The following CDH12 variants were observed in gnomAD, a reference collection of about 807,000 sequenced individuals.
The protein encoded by CDH12 is cadherin 12.
Under a neutral mutation model 74.1 loss-of-function variants are expected in CDH12, and 41 were observed. The observed-to-expected ratio is 0.55, with a 90% confidence interval of 0.43 to 0.72. CDH12 has a LOEUF of 0.72. CDH12 is among the 30% of genes least tolerant of loss of function. The probability of loss-of-function intolerance (pLI) is 0.00; values close to 1 mark genes in which losing one functional copy is unlikely to be tolerated. For missense variants in CDH12, 945 were observed against 977.2 expected (o/e 0.97, Z 0.44); for synonymous variants, 399 against 355.0 (o/e 1.12, Z -1.39).
chr5:22,671,875 G>C (rs937897496), intron 1 of CDH12, among the ~76,000 whole-genome samples: 1 of 150,598 alleles, frequency 6.6e-6, no homozygotes, highest in Non-Finnish European at 1.5e-5. Flanking sequence ...TGGGGTAACT[G>C]TTGACATTTC....
intron 3 of CDH12, among the ~76,000 whole-genome samples, chr5:22,230,926 T>C (rs868156978): frequency 7.2e-5 from 11 of 152,334 alleles, no homozygotes; most frequent in Middle Eastern, 6.8e-3. Flanking sequence ...GAATAGCAGA[T>C]AGTAAGTCAC....
chr5:21,988,491 C>CAAAAAAAAAAAA (rs1157872208), intron 5 of CDH12, among the ~76,000 whole-genome samples: 2 of 29,500 alleles, frequency 6.8e-5, no homozygotes, highest in African/African-American at 1.3e-4. Flanking sequence ...GACTCCGTCT[C>CAAAAAAAAAAAA]AAAAAAAAAA....
chr5:22,476,226 G>T (rs1746163222), intron 2 of CDH12, among the ~76,000 whole-genome samples: 1 of 151,794 alleles, frequency 6.6e-6, no homozygotes, highest in South Asian at 2.1e-4. Context: ...CTATACTTAG[G>T]CAAACAGATT....
intron 1 of CDH12, among the ~76,000 whole-genome samples, chr5:22,851,419 AT>A (rs1377541069): frequency 2.0e-5 from 3 of 152,128 alleles, no homozygotes; most frequent in African/African-American, 7.2e-5. Flanking sequence ...AATCAAAAAC[AT>A]TTTTTTAATG....
At chr5:21,841,353 AAAC>A (rs1265098433) in intron 8 of CDH12, among the ~76,000 whole-genome samples, 3 of 151,998 alleles carry the variant, frequency 2.0e-5, no homozygotes, top group Non-Finnish European at 4.4e-5. Context: ...AAAAGTCAGG[AAAC>A]AACAGGTGCT....
intron 3 of CDH12, among the ~76,000 whole-genome samples, chr5:22,383,367 G>A (rs1252961764): frequency 1.3e-5 from 2 of 152,166 alleles, no homozygotes; most frequent in African/African-American, 4.8e-5. Flanking sequence ...AATCCAAAAT[G>A]ACTTAGAAAA....
At chr5:22,334,567 A>G (rs1739493425) in intron 3 of CDH12, among the ~76,000 whole-genome samples, 1 of 152,188 alleles carries the variant, frequency 6.6e-6, no homozygotes, top group South Asian at 2.1e-4. Context: ...AACAAAAAGA[A>G]CACAACTGGA....
At chr5:22,457,482 C>T (rs1325749482) in intron 2 of CDH12, among the ~76,000 whole-genome samples, 1 of 151,584 alleles carries the variant, frequency 6.6e-6, no homozygotes, top group Non-Finnish European at 1.5e-5. Context: ...TGCAGTGGTG[C>T]AATCTCAGCT....
At chr5:22,628,720 C>G (rs891609218) in intron 1 of CDH12, among the ~76,000 whole-genome samples, 4 of 152,006 alleles carry the variant, frequency 2.6e-5, no homozygotes, top group African/African-American at 9.7e-5. Flanking sequence ...AATGTCAAAG[C>G]TAGCAGAGGA....
chr5:22,785,249 T>C (rs943929167), intron 1 of CDH12, among the ~76,000 whole-genome samples: 3 of 152,292 alleles, frequency 2.0e-5, no homozygotes, highest in Non-Finnish European at 2.9e-5. Flanking sequence ...TCAAGAGTCA[T>C]TCAGTGTTAT....
intron 1 of CDH12, among the ~76,000 whole-genome samples, chr5:22,534,887 A>C (rs1051817078): frequency 3.3e-5 from 5 of 150,322 alleles, no homozygotes; most frequent in Non-Finnish European, 7.4e-5. Context: ...TTTGTTAAAA[A>C]TTTACTGTTA....
At chr5:22,346,523 A>G (rs1740123545) in intron 3 of CDH12, among the ~76,000 whole-genome samples, 1 of 152,224 alleles carries the variant, frequency 6.6e-6, no homozygotes, top group South Asian at 2.1e-4. Context: ...CCACACAGAA[A>G]AAAATGAATA....
intron 5 of CDH12, among the ~76,000 whole-genome samples, chr5:22,006,294 C>T (rs1408999463): frequency 3.9e-5 from 6 of 152,042 alleles, no homozygotes; most frequent in African/African-American, 1.4e-4. Flanking sequence ...GCTGGGATTA[C>T]AGGCATGAGA....
At chr5:22,006,308 T>C (rs1034037725) in intron 5 of CDH12, among the ~76,000 whole-genome samples, 2 of 152,072 alleles carry the variant, frequency 1.3e-5, no homozygotes, top group African/African-American at 2.4e-5. Flanking sequence ...CATGAGACAC[T>C]GTGCCCAGCC....
chr5:22,035,310 G>A (rs1739092097), intron 5 of CDH12, among the ~76,000 whole-genome samples: 1 of 151,986 alleles, frequency 6.6e-6, no homozygotes, highest in Non-Finnish European at 1.5e-5. Flanking sequence ...GTTATTAGCA[G>A]ATTAAAGGGA....
chr5:22,274,755 C>A (rs760083536), intron 3 of CDH12, among the ~76,000 whole-genome samples: 1 of 151,820 alleles, frequency 6.6e-6, no homozygotes, highest in Non-Finnish European at 1.5e-5. Flanking sequence ...TAGGGGTAAG[C>A]CTTTATTGTC....
chr5:22,546,906 C>T (rs913519901), intron 1 of CDH12, among the ~76,000 whole-genome samples: 6 of 152,102 alleles, frequency 3.9e-5, no homozygotes, highest in Admixed American at 2.0e-4. Context: ...CAAGCAAATG[C>T]AAAACAAATA....
chr5:22,211,683 C>A (rs1415853517), intron 4 of CDH12, among the ~76,000 whole-genome samples: 1 of 151,744 alleles, frequency 6.6e-6, no homozygotes, highest in Non-Finnish European at 1.5e-5. Context: ...TCTGAATTAC[C>A]TGGATAATTG....
intron 1 of CDH12, among the ~76,000 whole-genome samples, chr5:22,561,241 T>A (rs1222300169): frequency 6.6e-6 from 1 of 152,122 alleles, no homozygotes; most frequent in Non-Finnish European, 1.5e-5. Context: ...GTGTTATAAC[T>A]GGACTAAGAG....
Sources: allele counts gnomAD v4.1 joint callset (sites outside exome capture counted in the v4.1 genomes callset), GRCh38; gene constraint gnomAD v4.1.1; transcripts MANE v1.5; gene names NCBI Gene and HGNC (gene_info 2026-07-23, HGNC 2026-07-21).